Variants in CA10 observed in about 807,000 individuals in gnomAD.
CA10 encodes carbonic anhydrase-related protein 10.
A neutral mutation model predicts 44.2 loss-of-function variants in CA10; 14 were observed. The observed-to-expected ratio is 0.32, with a 90% CI of 0.21 to 0.50. The LOEUF (loss-of-function observed/expected upper bound fraction) is 0.50. Among genes scored for constraint, CA10 ranks in the 20% least tolerant of loss-of-function variants. The pLI, the probability that CA10 is intolerant of heterozygous loss-of-function variation, is 0.99. For synonymous variants in CA10, 159 were observed against 141.6 expected (o/e 1.12, Z -0.87); for missense variants, 350 against 409.7 (o/e 0.85, Z 1.26).
intron 2 of CA10, among the ~76,000 whole-genome samples, chr17:52,044,149 G>A (rs1330316771): frequency 1.3e-5 from 2 of 152,066 alleles, no homozygotes; most frequent in African/African-American, 2.4e-5. Context: ...GTCTTTAAAT[G>A]TTTGGTAGAA....
chr17:51,899,282 G>A lies in CA10; in HGVS notation c.279+31708C>T, dbSNP rs549789927. Among the ~76,000 whole-genome samples the A allele has an allele frequency of 2.7e-5, 4 of 149,498 alleles. No individual in the cohort carries two copies. The South Asian group carries it at 8.5e-4, about 32-fold the overall frequency. On this transcript the variant is annotated intron_variant, in intron 3 of 8. Coordinates refer to ENST00000451037, the MANE Select transcript of CA10 (RefSeq NM_020178.5). Reference sequence around the variant, plus strand: ...CGTTAGTTCAAAGAAAATTTTCAAAGAATTTTTTACCTTGATTTTGTTGTT... The same window carrying A: ...CGTTAGTTCAAAGAAAATTTTCAAAAAATTTTTTACCTTGATTTTGTTGTT...
intron 1 of CA10, among the ~76,000 whole-genome samples, chr17:52,087,481 T>C (rs901589359): frequency 5.3e-5 from 8 of 152,130 alleles, no homozygotes; most frequent in Admixed American, 2.0e-4. Context: ...AAGAGGCAAA[T>C]GTCAAGAAAG....
At chr17:51,956,452 G>C (rs762866635) in intron 2 of CA10, among the ~76,000 whole-genome samples, 1 of 152,146 alleles carries the variant, frequency 6.6e-6, no homozygotes, top group Admixed American at 6.6e-5. Context: ...GATTTTTGCA[G>C]ATGTAGTTCA....
intron 3 of CA10, among the ~76,000 whole-genome samples, chr17:51,831,667 A>AAGCAGC (rs66635963): frequency 0.022 from 2,835 of 127,446 alleles, 152 homozygotes; most frequent in Non-Finnish European, 0.03. Flanking sequence ...AGAAAAGAAA[A>AAGCAGC]AGCAGCAGCA....
chr17:51,790,376 G>C (rs1451268357), intron 3 of CA10, among the ~76,000 whole-genome samples: 1 of 152,192 alleles, frequency 6.6e-6, no homozygotes, highest in Non-Finnish European at 1.5e-5. Context: ...TGTCCTCTGA[G>C]TTGCAGTTAA....
chr17:52,048,877 T>C (rs144137427), intron 2 of CA10, among the ~76,000 whole-genome samples: 11 of 152,110 alleles, frequency 7.2e-5, no homozygotes, highest in Non-Finnish European at 1.2e-4. Flanking sequence ...TGGGAGGTCA[T>C]TGAAGGTTTT....
At chr17:51,815,466 G>A (rs1373262691) in intron 3 of CA10, among the ~76,000 whole-genome samples, 1 of 152,038 alleles carries the variant, frequency 6.6e-6, no homozygotes, top group Non-Finnish European at 1.5e-5. Context: ...TCTAATTCCT[G>A]GTACAGATAA....
chr17:52,008,011 A>G (rs1337670759), intron 2 of CA10, among the ~76,000 whole-genome samples: 20 of 151,826 alleles, frequency 1.3e-4, no homozygotes, highest in Admixed American at 1.2e-3. Context: ...CCATAGTTTT[A>G]TCTTTCCACT....
chr17:51,997,028 T>C (rs385940), intron 2 of CA10, among the ~76,000 whole-genome samples: 101,693 of 151,452 alleles, frequency 0.67, 35,358 homozygotes, highest in African/African-American at 0.83. Flanking sequence ...GTGACAGATA[T>C]TAGATTGTAC....
chr17:51,994,474 G>A (rs1158820767), intron 2 of CA10, among the ~76,000 whole-genome samples: 1 of 151,962 alleles, frequency 6.6e-6, no homozygotes, highest in Non-Finnish European at 1.5e-5. Context: ...CCGACTGAAG[G>A]TTTGCAGAAG....
intron 3 of CA10, among the ~76,000 whole-genome samples, chr17:51,812,979 G>C (rs1303349149): frequency 2.6e-5 from 4 of 152,168 alleles, no homozygotes; most frequent in Non-Finnish European, 4.4e-5. Context: ...GGTCTGTTTA[G>C]AAATACACAT....
chr17:51,679,384 C>T (rs138658433), intron 4 of CA10, among the ~76,000 whole-genome samples: 95 of 151,844 alleles, frequency 6.3e-4, no homozygotes, highest in African/African-American at 2.0e-3. Flanking sequence ...CTCAGCCTCC[C>T]TAGTAGCTGG....
At chr17:51,897,458 G>A (rs1392741398) in intron 3 of CA10, among the ~76,000 whole-genome samples, 2 of 152,092 alleles carry the variant, frequency 1.3e-5, no homozygotes, top group East Asian at 3.9e-4. Context: ...TGCTGTTTTG[G>A]TTACTGTAGC....
chr17:51,668,282 G>A (rs1357656260), intron 4 of CA10, among the ~76,000 whole-genome samples: 1 of 152,206 alleles, frequency 6.6e-6, no homozygotes, highest in Non-Finnish European at 1.5e-5. Context: ...ATTTCAAGAA[G>A]AGACTCAGTC....
At chr17:51,692,663 A>G (rs1211837118) in intron 4 of CA10, among the ~76,000 whole-genome samples, 1 of 152,146 alleles carries the variant, frequency 6.6e-6, no homozygotes, top group Non-Finnish European at 1.5e-5. Flanking sequence ...CATTGTGTAG[A>G]TGCACCATGG....
At chr17:51,984,363 T>C (rs959770327) in intron 2 of CA10, among the ~76,000 whole-genome samples, 3 of 151,784 alleles carry the variant, frequency 2.0e-5, no homozygotes, top group African/African-American at 7.2e-5. Context: ...AAGGCGGTAC[T>C]AAGAGGAAAG....
chr17:51,661,841 T>C (rs989865835), intron 4 of CA10: 2 of 152,218 alleles, frequency 1.3e-5, no homozygotes, highest in African/African-American at 4.8e-5. Flanking sequence ...GTCAGCAGAC[T>C]TTTTCCTGTA....
At chr17:52,120,889 G>C (rs1567739865) in intron 1 of CA10, among the ~76,000 whole-genome samples, 3 of 152,178 alleles carry the variant, frequency 2.0e-5, no homozygotes, top group Admixed American at 6.5e-5. Flanking sequence ...CCTTCAATGT[G>C]TCTGCATATC....
intron 1 of CA10, among the ~76,000 whole-genome samples, chr17:52,084,839 A>G (rs1009723049): frequency 3.3e-5 from 5 of 152,186 alleles, no homozygotes; most frequent in African/African-American, 1.2e-4. Context: ...CTTTGTAGGT[A>G]GGTGTGGACA....
Sources: gnomAD v4.1 joint callset for allele counts (sites outside exome capture counted in the v4.1 genomes callset) on GRCh38, gnomAD v4.1.1 for gene constraint, MANE v1.5 for transcripts, NCBI Gene and HGNC (gene_info 2026-07-23, HGNC 2026-07-21) for gene names.